The following PEBP4 variants were observed in gnomAD, a reference collection of about 807,000 sequenced individuals.
PEBP4 encodes the protein phosphatidylethanolamine binding protein 4.
A neutral mutation model predicts 23.9 loss-of-function variants in PEBP4; 22 were observed. That is an observed-to-expected ratio of 0.92 (90% CI 0.66 to 1.31). PEBP4 has a LOEUF of 1.31. Ranked by LOEUF, PEBP4 falls within the 40% of genes most tolerant of loss-of-function variation. PEBP4 has a pLI of 0.00. For synonymous variants in PEBP4, 112 were observed against 99.3 expected, an observed-to-expected ratio of 1.13 and a Z score of -0.76; for missense variants, 324 against 281.7, an observed-to-expected ratio of 1.15 and a Z score of -1.07.
At chr8:22,728,613 C>T (rs868220324) in intron 4 of PEBP4, among the ~76,000 whole-genome samples, 12,657 of 100,814 alleles carry the variant, frequency 0.13, 844 homozygotes, top group South Asian at 0.15. Flanking sequence ...CCTTCCTTCC[C>T]TTTTTTTGGA....
chr8:22,771,056 C>T (rs1805708806), intron 4 of PEBP4, among the ~76,000 whole-genome samples: 1 of 152,186 alleles, frequency 6.6e-6, no homozygotes, highest in African/African-American at 2.4e-5. Context: ...CATGAGCATC[C>T]CATCACCTTT....
chr8:22,739,394 A>G (rs1323144278), intron 4 of PEBP4, among the ~76,000 whole-genome samples: 3 of 150,816 alleles, frequency 2.0e-5, no homozygotes, highest in African/African-American at 7.3e-5. Context: ...CCTCAGCCCG[A>G]CTCTTATCGC....
upstream of PEBP4, among the ~76,000 whole-genome samples, chr8:22,930,815 C>A (rs764507058): frequency 1.3e-5 from 2 of 152,130 alleles, no homozygotes; most frequent in Non-Finnish European, 2.9e-5. Context: ...TTCAAGCTTG[C>A]GGAGTGACAA....
At chr8:22,817,560 A>T in intron 4 of PEBP4, 77 bp downstream of exon 4, 1 of 1,333,164 alleles carries the variant, frequency 7.5e-7, no homozygotes, top group Non-Finnish European at 1.1e-6. Context: ...CCTGGATGAG[A>T]GGTGGGAACT....
At chr8:22,752,007 C>T (rs1805278455) in intron 4 of PEBP4, among the ~76,000 whole-genome samples, 1 of 152,220 alleles carries the variant, frequency 6.6e-6, no homozygotes, top group African/African-American at 2.4e-5. Context: ...GGCAATCCTC[C>T]TACCTCAGCC....
At chr8:22,828,321 C>T (rs1198666369) in intron 3 of PEBP4, among the ~76,000 whole-genome samples, 1 of 152,184 alleles carries the variant, frequency 6.6e-6, no homozygotes, top group Non-Finnish European at 1.5e-5. Context: ...TTTGCCTTCC[C>T]TGCCTTCCCA....
At chr8:22,862,571 G>C (rs952434306) in intron 3 of PEBP4, among the ~76,000 whole-genome samples, 14 of 152,114 alleles carry the variant, frequency 9.2e-5, no homozygotes, top group African/African-American at 3.1e-4. Context: ...GCAGTATTCA[G>C]AGTAATTACC....
chr8:22,778,128 T>G (rs1166480153), intron 4 of PEBP4, among the ~76,000 whole-genome samples: 1 of 151,964 alleles, frequency 6.6e-6, no homozygotes, highest in Non-Finnish European at 1.5e-5. Flanking sequence ...ACCCCTGGAG[T>G]TGGTTGCCCA....
intron 3 of PEBP4, among the ~76,000 whole-genome samples, chr8:22,910,798 G>A (rs142653068): frequency 5.3e-5 from 8 of 152,346 alleles, no homozygotes; most frequent in Non-Finnish European, 1.0e-4. Context: ...GTTGCCAGAG[G>A]TTAGAGGGAG....
chr8:22,763,055 A>G (rs1455327623), intron 4 of PEBP4, among the ~76,000 whole-genome samples: 1 of 151,394 alleles, frequency 6.6e-6, no homozygotes, highest in Non-Finnish European at 1.5e-5. Context: ...CCCAGGCTGG[A>G]GCGCAGTAGC....
intron 3 of PEBP4, among the ~76,000 whole-genome samples, chr8:22,905,612 C>G (rs1261271136): frequency 1.3e-5 from 2 of 152,188 alleles, no homozygotes; most frequent in African/African-American, 4.8e-5. Context: ...CTAAGCCACA[C>G]GGGCTTCAGG....
chr8:22,813,170 C>A (rs1376760459), intron 4 of PEBP4, among the ~76,000 whole-genome samples: 1 of 152,154 alleles, frequency 6.6e-6, no homozygotes, highest in East Asian at 1.9e-4. Flanking sequence ...GAAAAGTAGA[C>A]AAAATAATGA....
chr8:22,925,051 T>C (rs1809295046), intron 2 of PEBP4: 4 of 985,234 alleles, frequency 4.1e-6, no homozygotes, highest in Middle Eastern at 5.2e-4. Context: ...GTGGGGATCT[T>C]GAGGAGGGGT....
At chr8:22,849,814 A>G (rs1394439310) in intron 3 of PEBP4, among the ~76,000 whole-genome samples, 2 of 152,156 alleles carry the variant, frequency 1.3e-5, no homozygotes, top group African/African-American at 2.4e-5. Context: ...CATACAGTCA[A>G]CTCAAGACAT....
chr8:22,780,390 G>T (rs935117788), intron 4 of PEBP4, among the ~76,000 whole-genome samples: 1 of 152,294 alleles, frequency 6.6e-6, no homozygotes, highest in East Asian at 1.9e-4. Context: ...GAGGCTTGGA[G>T]TAGCTCGTAC....
chr8:22,728,573 T>TTCCTTCC (rs1306128801), intron 4 of PEBP4, among the ~76,000 whole-genome samples: 1 of 129,440 alleles, frequency 7.7e-6, no homozygotes, highest in African/African-American at 2.9e-5. Flanking sequence ...CCTTCCTTCC[T>TTCCTTCC]TCCTTCCTTC....
At chr8:22,752,124 C>T (rs1033148952) in intron 4 of PEBP4, among the ~76,000 whole-genome samples, 1 of 151,988 alleles carries the variant, frequency 6.6e-6, no homozygotes. Flanking sequence ...AGGTTGGTCT[C>T]GAACTCACTC....
At chr8:22,785,049 G>A (rs1195966491) in intron 4 of PEBP4, among the ~76,000 whole-genome samples, 2 of 152,192 alleles carry the variant, frequency 1.3e-5, no homozygotes, top group African/African-American at 2.4e-5. Flanking sequence ...TCAGATCCCA[G>A]TGTGTCTAGA....
At chr8:22,792,510 C>T (rs150066444) in intron 4 of PEBP4, among the ~76,000 whole-genome samples, 2,208 of 152,180 alleles carry the variant, frequency 0.015, 36 homozygotes, top group South Asian at 0.067. Flanking sequence ...ATTTTCAATG[C>T]CTTCCTCTTC....
Sources: gnomAD v4.1 joint callset for allele counts (sites outside exome capture counted in the v4.1 genomes callset) on GRCh38, gnomAD v4.1.1 for gene constraint, MANE v1.5 for transcripts, NCBI Gene and HGNC (gene_info 2026-07-23, HGNC 2026-07-21) for gene names.